The following ITFG1 variants were observed in gnomAD, a reference collection of about 807,000 sequenced individuals.
ITFG1 encodes the protein T-cell immunomodulatory protein.
Under a neutral mutation model 81.8 loss-of-function variants are expected in ITFG1, and 34 were observed. The observed-to-expected ratio is 0.42, with a 90% CI of 0.32 to 0.55. The LOEUF is 0.55. Among genes scored for constraint, ITFG1 ranks in the 20% least tolerant of loss-of-function variants. The pLI is 0.17. For synonymous variants in ITFG1, 285 were observed against 270.6 expected (o/e 1.05, Z -0.52); for missense variants, 672 against 755.4 (o/e 0.89, Z 1.29).
At chr16:47,414,466 C>T (rs1156860001) in intron 6 of ITFG1, among the ~76,000 whole-genome samples, 4 of 151,866 alleles carry the variant, frequency 2.6e-5, no homozygotes, top group East Asian at 1.9e-4. Flanking sequence ...GCAGAGGTTT[C>T]GGTGAGCTGA....
chr16:47,375,804 T>C, intron 7 of ITFG1, 72 bp downstream of exon 7: 1 of 974,776 alleles, frequency 1.0e-6, no homozygotes, highest in Non-Finnish European at 1.6e-6. Flanking sequence ...TTATTTTCAT[T>C]TTATTTTCTA....
intron 14 of ITFG1, among the ~76,000 whole-genome samples, chr16:47,201,034 G>A (rs1965418058): frequency 6.6e-6 from 1 of 152,088 alleles, no homozygotes; most frequent in Non-Finnish European, 1.5e-5. Flanking sequence ...AAACAACAGA[G>A]TTTGATAACC....
rs79888870 is a variant in ITFG1, at chr16:47,242,853, T to C, written c.1331-4845A>G. 2.6e-4 allele frequency among the ~76,000 whole-genome samples: 40 copies of C among 152,260 alleles called. 1 individual carries two copies. The East Asian group carries it at 7.3e-3, about 28-fold the overall frequency. On this transcript the variant is annotated intron_variant, in intron 12 of 17. Transcript: ENST00000320640. ...TAGCAATTACTTCAGGTGAACTGGG[T>C]TAGTAACTAATAAGGGGGCTGGAGG...
intron 14 of ITFG1, among the ~76,000 whole-genome samples, chr16:47,206,159 C>A (rs1347696179): frequency 6.6e-6 from 1 of 152,150 alleles, no homozygotes; most frequent in African/African-American, 2.4e-5. Flanking sequence ...ATCCACCACG[C>A]CTGGCCAGGC....
At chr16:47,330,380 T>C (rs1041349349) in intron 8 of ITFG1, among the ~76,000 whole-genome samples, 2 of 152,006 alleles carry the variant, frequency 1.3e-5, no homozygotes, top group Non-Finnish European at 2.9e-5. Context: ...GACATGTCCC[T>C]AGGAAAAGAA....
chr16:47,190,602 A>G (rs1965280876), intron 14 of ITFG1, among the ~76,000 whole-genome samples: 1 of 152,116 alleles, frequency 6.6e-6, no homozygotes, highest in South Asian at 2.1e-4. Flanking sequence ...CTATGTTTCT[A>G]TCCCTTTCCT....
intron 6 of ITFG1, among the ~76,000 whole-genome samples, chr16:47,427,204 C>T (rs1247003538): frequency 6.6e-6 from 1 of 152,154 alleles, no homozygotes; most frequent in Non-Finnish European, 1.5e-5. Flanking sequence ...TTAGAGAATA[C>T]TGTAATGGAT....
At chr16:47,227,220 T>C (rs1965767954) in intron 13 of ITFG1, among the ~76,000 whole-genome samples, 1 of 152,196 alleles carries the variant, frequency 6.6e-6, no homozygotes, top group Non-Finnish European at 1.5e-5. Flanking sequence ...ATACTAAAAA[T>C]AGTTATGCTC....
intron 14 of ITFG1, among the ~76,000 whole-genome samples, chr16:47,214,043 C>T (rs905596015): frequency 6.6e-6 from 1 of 152,046 alleles, no homozygotes. Flanking sequence ...GAGACTGAGC[C>T]CTTAACTGTG....
At chr16:47,392,427 G>A (rs1370256958) in intron 6 of ITFG1, among the ~76,000 whole-genome samples, 1 of 152,188 alleles carries the variant, frequency 6.6e-6, no homozygotes, top group East Asian at 1.9e-4. Context: ...GGTCTGTGTG[G>A]CTGGGACAGG....
At chr16:47,301,951 T>C (rs1278513057) in intron 10 of ITFG1, among the ~76,000 whole-genome samples, 1 of 152,036 alleles carries the variant, frequency 6.6e-6, no homozygotes, top group Non-Finnish European at 1.5e-5. Context: ...CTCACTTCAT[T>C]AGGTATTTTC....
intron 14 of ITFG1, among the ~76,000 whole-genome samples, chr16:47,190,437 C>T (rs1488936057): frequency 6.6e-6 from 1 of 152,206 alleles, no homozygotes; most frequent in African/African-American, 2.4e-5. Context: ...CAGTTACTAG[C>T]TGTCAATAGA....
At chr16:47,287,640 C>A (rs1966875257) in intron 10 of ITFG1, among the ~76,000 whole-genome samples, 1 of 152,262 alleles carries the variant, frequency 6.6e-6, no homozygotes, top group African/African-American at 2.4e-5. Flanking sequence ...TGGGCTCAAG[C>A]AATTCCCTCA....
intron 12 of ITFG1, among the ~76,000 whole-genome samples, chr16:47,257,790 G>A (rs1470253254): frequency 4.6e-5 from 7 of 152,128 alleles, no homozygotes; most frequent in Middle Eastern, 3.2e-3. Context: ...CAGTAGCAAC[G>A]AGCACACTGG....
At chr16:47,156,262 C>T (rs557287572) in intron 17 of ITFG1, among the ~76,000 whole-genome samples, 1 of 152,036 alleles carries the variant, frequency 6.6e-6, no homozygotes, top group Admixed American at 6.6e-5. Context: ...CATGGTGAAA[C>T]CCCGTCTCTA....
chr16:47,235,163 A>G (rs1187874122), intron 13 of ITFG1, among the ~76,000 whole-genome samples: 1 of 152,230 alleles, frequency 6.6e-6, no homozygotes, highest in Non-Finnish European at 1.5e-5. Context: ...AGAAATGCCC[A>G]GTATACTAGG....
chr16:47,350,265 G>A (rs998841199), intron 8 of ITFG1, among the ~76,000 whole-genome samples: 5 of 152,126 alleles, frequency 3.3e-5, no homozygotes, highest in African/African-American at 1.2e-4. Context: ...AACAATCAAT[G>A]AATCCAGGAG....
chr16:47,326,942 A>AATG (rs948166451), intron 8 of ITFG1, among the ~76,000 whole-genome samples: 75 of 152,304 alleles, frequency 4.9e-4, no homozygotes, highest in Non-Finnish European at 6.3e-4. Flanking sequence ...TCAAGCTACC[A>AATG]ATGACTTTCT....
At position 47,325,678 on chromosome 16, in the gene ITFG1, A is replaced by ACCTCTAC. The variant is rs1227511130; in HGVS notation, c.803-11856_803-11855insGTAGAGG. 4.6e-5 allele frequency among the ~76,000 whole-genome samples: 7 copies of ACCTCTAC among 152,318 alleles called. 1 individual carries two copies. Among genetic ancestry groups the ACCTCTAC allele is most frequent in the African/African-American group, 1.4e-4 (6 of 41,578 alleles). On this transcript the variant is annotated intron_variant, in intron 8 of 17. Coordinates refer to ENST00000320640, the MANE Select transcript of ITFG1 (RefSeq NM_030790.5). ...TCCCACAGAAATACAAACTACCATC[A>ACCTCTAC]GAGAATACTATAAACACCTCTACGC...
Sources: gnomAD v4.1 joint callset for allele counts (sites outside exome capture counted in the v4.1 genomes callset) on GRCh38, gnomAD v4.1.1 for gene constraint, MANE v1.5 for transcripts, NCBI Gene and HGNC (gene_info 2026-07-23, HGNC 2026-07-21) for gene names.